Variants in RELL1 observed in about 807,000 individuals in gnomAD.
RELL1 encodes RELT like 1.
A neutral mutation model predicts 23.0 loss-of-function variants in RELL1; 10 were observed. That is an observed-to-expected ratio of 0.43 (90% CI 0.27 to 0.74). The LOEUF (loss-of-function observed/expected upper bound fraction) is 0.74. RELL1 is among the 30% of genes least tolerant of loss of function. The pLI is 0.19. For missense variants in RELL1, 315 were observed against 364.4 expected (o/e 0.86, Z 1.10); for synonymous variants, 146 against 146.8 (o/e 0.99, Z 0.04).
At chr4:37,606,105 A>AAGG (rs745343015), downstream of RELL1, among the ~76,000 whole-genome samples, 1 of 148,012 alleles carries the variant, frequency 6.8e-6, no homozygotes, top group Non-Finnish European at 1.5e-5. This position sits in a 1 kb window ranked among gnomAD's most constrained non-coding sequence, Gnocchi z 4.1. Flanking sequence ...AGGCAAGAAG[A>AAGG]AGGAGGAGGA....
At chr4:37,655,885 C>T (rs1239401004) in intron 1 of RELL1, among the ~76,000 whole-genome samples, 1 of 152,150 alleles carries the variant, frequency 6.6e-6, no homozygotes, top group Non-Finnish European at 1.5e-5. Flanking sequence ...TGTAAGAGAG[C>T]ACAACTAAAA....
At chr4:37,681,281 G>A (rs916353929) in intron 1 of RELL1, among the ~76,000 whole-genome samples, 5 of 152,078 alleles carry the variant, frequency 3.3e-5, no homozygotes, top group African/African-American at 7.3e-5. Flanking sequence ...TTTAAATGAC[G>A]TAATATAAAT....
At chr4:37,622,799 C>T (rs7684514) in intron 6 of RELL1, 44,854 of 391,410 alleles carry the variant, frequency 0.11, 2,790 homozygotes, top group Middle Eastern at 0.2. Context: ...TCAAGTAATG[C>T]TTTTTTTTTT....
At chr4:37,605,791 A>AAGAGAG (rs879276161), downstream of RELL1, among the ~76,000 whole-genome samples, 43 of 71,084 alleles carry the variant, frequency 6.0e-4, no homozygotes, top group African/African-American at 1.3e-3. Context: ...GAGAGAAAGA[A>AAGAGAG]AGAGAAAGAA....
chr4:37,625,018 A>C (rs745756361), intron 6 of RELL1, among the ~76,000 whole-genome samples: 1 of 152,226 alleles, frequency 6.6e-6, no homozygotes, highest in Non-Finnish European at 1.5e-5. Context: ...ATGTATGTCC[A>C]GCAACGATCT....
At chr4:37,613,432 G>A (rs902812997) in intron 6 of RELL1, 90 bp from the exon 7 acceptor site, 1 of 152,052 alleles carries the variant, frequency 6.6e-6, no homozygotes, top group Non-Finnish European at 1.5e-5. Flanking sequence ...AAACACAGAA[G>A]AATTATAATC....
At chr4:37,588,985 C>A, downstream of RELL1, 1 of 981,746 alleles carries the variant, frequency 1.0e-6, no homozygotes, top group Non-Finnish European at 1.6e-6. Context: ...GTATTCAGTG[C>A]ATTTATCCAG....
intron 1 of RELL1, among the ~76,000 whole-genome samples, chr4:37,655,475 T>A (rs1721087230): frequency 6.6e-6 from 1 of 152,174 alleles, no homozygotes; most frequent in African/African-American, 2.4e-5. Context: ...GGCAGAGATC[T>A]GGATGATGCT....
At chr4:37,651,282 T>C (rs1720930821) in intron 1 of RELL1, among the ~76,000 whole-genome samples, 1 of 151,866 alleles carries the variant, frequency 6.6e-6, no homozygotes, top group Non-Finnish European at 1.5e-5. Flanking sequence ...AGCAAAAGAA[T>C]CAGCAGAGCA....
chr4:37,682,399 T>G (rs1722255887), intron 1 of RELL1, among the ~76,000 whole-genome samples: 1 of 152,256 alleles, frequency 6.6e-6, no homozygotes, highest in South Asian at 2.1e-4. Context: ...ATTTAATTTA[T>G]TCTTTTTGTC....
chr4:37,678,825 A>C (rs961606200), intron 1 of RELL1, among the ~76,000 whole-genome samples: 19 of 152,226 alleles, frequency 1.2e-4, no homozygotes, highest in African/African-American at 4.1e-4. Flanking sequence ...AAGTAATTTA[A>C]AGATTTTTTT....
chr4:37,652,472 T>C (rs1017677743), intron 1 of RELL1, among the ~76,000 whole-genome samples: 6 of 152,200 alleles, frequency 3.9e-5, no homozygotes, highest in African/African-American at 1.2e-4. Flanking sequence ...AAAACAATGT[T>C]TTCTTTATTA....
intron 1 of RELL1, among the ~76,000 whole-genome samples, chr4:37,663,626 C>A (rs1721427701): frequency 6.6e-6 from 1 of 152,166 alleles, no homozygotes; most frequent in Non-Finnish European, 1.5e-5. Context: ...TCTCTCATTA[C>A]CCCCATTCGC....
At chr4:37,641,230 G>GAC (rs143412185) in intron 3 of RELL1, among the ~76,000 whole-genome samples, 239 of 151,282 alleles carry the variant, frequency 1.6e-3, no homozygotes, top group African/African-American at 5.6e-3. Context: ...TGGCATGTGG[G>GAC]ACACACACAC....
Position 37,659,451 on chromosome 4 carries a change from C to T in RELL1, c.89-9951G>A, listed in dbSNP as rs150915380. Among the ~76,000 whole-genome samples, 1,225 of 152,250 alleles carry T rather than the reference C, an allele frequency of 8.0e-3. 10 individuals are homozygous for T. Among genetic ancestry groups the T allele is most frequent in the Non-Finnish European group, 0.014 (967 of 68,042 alleles). ...AACTGACCCCAATGGTCAGAGGAGC[C>T]GAGACAGAATGGCGGGGAAATGGCA... On this transcript the variant is annotated intron_variant, in intron 1 of 6. Coordinates refer to ENST00000454158, the MANE Select transcript of RELL1 (RefSeq NM_001085400.2).
rs1326674961 is a variant in RELL1, at chr4:37,684,386, G to GCTTT, written c.88+1810_88+1813dup. 3.3e-5 allele frequency among the ~76,000 whole-genome samples: 5 copies of GCTTT among 151,936 alleles called. No homozygotes were observed. The East Asian group carries it at 9.7e-4, about 29-fold the overall frequency. On this transcript the variant is annotated intron_variant, in intron 1 of 6. Coordinates refer to ENST00000454158, the MANE Select transcript of RELL1 (RefSeq NM_001085400.2). ...AAGGCTGTCATGCAATTAGATGAGAGCTTTCATCAGTCACATTCTAGTCCT... is the reference window on the plus strand; with the variant it reads ...AAGGCTGTCATGCAATTAGATGAGAGCTTTCTTTCATCAGTCACATTCTAGTCCT...
intron 1 of RELL1, among the ~76,000 whole-genome samples, chr4:37,684,335 G>A (rs1478236160): frequency 1.4e-4 from 21 of 147,622 alleles, no homozygotes; most frequent in African/African-American, 5.2e-4. Context: ...TTCTTCTTCC[G>A]CATTAATTTT....
At chr4:37,649,211 T>C (rs1007691716) in intron 2 of RELL1, 65 bp downstream of exon 2, 15 of 1,258,454 alleles carry the variant, frequency 1.2e-5, no homozygotes, top group Middle Eastern at 1.9e-4. Flanking sequence ...GGAAAGCATA[T>C]ATCACTGGTT....
At chr4:37,648,397 G>C (rs143796892) in intron 2 of RELL1, among the ~76,000 whole-genome samples, 1 of 152,228 alleles carries the variant, frequency 6.6e-6, no homozygotes, top group Non-Finnish European at 1.5e-5. Context: ...GGCAAGGAAC[G>C]AGGAACCTCC....
Sources: allele counts gnomAD v4.1 joint callset (sites outside exome capture counted in the v4.1 genomes callset), GRCh38; gene constraint gnomAD v4.1.1; non-coding constraint Gnocchi (gnomAD v3.1); transcripts MANE v1.5; gene names NCBI Gene and HGNC (gene_info 2026-07-23, HGNC 2026-07-21).